MEGF11: variants seen among roughly 807,000 people sequenced by gnomAD.
The protein encoded by MEGF11 is multiple EGF like domains 11.
MEGF11 carries 126 observed loss-of-function variants against 146.6 expected under a neutral mutation model. The observed-to-expected ratio is 0.86, with a 90% CI of 0.74 to 1.00. The LOEUF (loss-of-function observed/expected upper bound fraction) is 1.00. MEGF11 is among the 50% of genes least tolerant of loss of function. The pLI, the probability that MEGF11 is intolerant of heterozygous loss-of-function variation, is 0.00. For missense variants in MEGF11, 1,509 were observed against 1,521.2 expected (o/e 0.99, Z 0.13); for synonymous variants, 532 against 583.4 (o/e 0.91, Z 1.27).
intron 1 of MEGF11, among the ~76,000 whole-genome samples, chr15:66,235,886 A>G (rs143202478): frequency 6.6e-6 from 1 of 152,298 alleles, no homozygotes; most frequent in Non-Finnish European, 1.5e-5. Flanking sequence ...GTGACAACAA[A>G]TCTTTAACCC....
chr15:66,232,444 T>C (rs908026154), intron 1 of MEGF11, among the ~76,000 whole-genome samples: 1 of 152,190 alleles, frequency 6.6e-6, no homozygotes, highest in African/African-American at 2.4e-5. Flanking sequence ...CGGGGAGCTC[T>C]GGACAGCCTT....
At chr15:65,960,838 A>AT (rs1157310507) in intron 9 of MEGF11, among the ~76,000 whole-genome samples, 13 of 152,166 alleles carry the variant, frequency 8.5e-5, no homozygotes, top group Non-Finnish European at 1.0e-4. Context: ...TACTCTTTGC[A>AT]TTTCCTGCTT....
chr15:65,959,733 G>C (rs556312296), intron 9 of MEGF11, among the ~76,000 whole-genome samples: 37 of 152,216 alleles, frequency 2.4e-4, no homozygotes, highest in Middle Eastern at 3.4e-3. Flanking sequence ...ATGTGACTAG[G>C]CTATTGAGGC....
intron 5 of MEGF11, among the ~76,000 whole-genome samples, chr15:65,992,287 G>A (rs756653358): frequency 4.6e-5 from 7 of 152,118 alleles, no homozygotes; most frequent in South Asian, 2.1e-4. Context: ...TATCAGAGCC[G>A]GGCATCTCTC....
At chr15:66,188,190 C>G (rs1185561370) in intron 1 of MEGF11, among the ~76,000 whole-genome samples, 3 of 152,106 alleles carry the variant, frequency 2.0e-5, no homozygotes, top group African/African-American at 7.2e-5. Flanking sequence ...TCAAATGTCT[C>G]CTGGGGGACA....
intron 5 of MEGF11, among the ~76,000 whole-genome samples, chr15:66,035,012 C>G (rs1418472002): frequency 1.3e-5 from 2 of 152,174 alleles, no homozygotes; most frequent in African/African-American, 4.8e-5. Context: ...GTGTCACGCT[C>G]TCGTACTTCC....
intron 5 of MEGF11, among the ~76,000 whole-genome samples, chr15:65,998,994 G>A (rs1023831626): frequency 2.6e-5 from 4 of 152,030 alleles, no homozygotes; most frequent in East Asian, 1.9e-4. Flanking sequence ...TCTGTCTAGC[G>A]GGGCCCAGCC....
intron 25 of MEGF11, 189 bp from the exon 26 acceptor site, chr15:65,898,283 A>C: frequency 1.0e-6 from 1 of 985,422 alleles, no homozygotes; most frequent in Non-Finnish European, 1.2e-6. Flanking sequence ...GTCAACATCC[A>C]AGCCTCTCAT....
rs142788709 is a variant in MEGF11 at position 66,169,535 on chromosome 15, C to T, written c.-8-41124G>A. Reference sequence around the variant, plus strand: ...ATTCCCAATTAACCTGCGGTGAACCCGCATACTTGCTGGCTTGCCCATAAT... The same window carrying T: ...ATTCCCAATTAACCTGCGGTGAACCTGCATACTTGCTGGCTTGCCCATAAT... On this transcript the variant is annotated intron_variant, in intron 1 of 25. Transcript: ENST00000395614. Among the ~76,000 whole-genome samples, 219 of 152,382 alleles carry T rather than the reference C, an allele frequency of 1.4e-3. 1 individual carries two copies. The highest frequency in any genetic ancestry group is 2.1e-3 in the South Asian group (10 of 4,828).
intron 4 of MEGF11, among the ~76,000 whole-genome samples, chr15:66,104,288 C>A (rs776480453): frequency 5.9e-5 from 9 of 152,194 alleles, no homozygotes; most frequent in Non-Finnish European, 1.3e-4. Context: ...CCCACCCCAG[C>A]CAAGCAGTTA....
chr15:66,206,892 G>C (rs1329623896), intron 1 of MEGF11, among the ~76,000 whole-genome samples: 1 of 152,076 alleles, frequency 6.6e-6, no homozygotes, highest in Non-Finnish European at 1.5e-5. Flanking sequence ...AACAGAGAGA[G>C]ACTTAAAAAT....
chr15:65,935,789 C>G (rs572450205), intron 10 of MEGF11, among the ~76,000 whole-genome samples: 4 of 152,296 alleles, frequency 2.6e-5, no homozygotes, highest in African/African-American at 9.6e-5. Flanking sequence ...CAATGCATAC[C>G]AGGTTCTAAC....
At chr15:66,019,073 C>T (rs943737981) in intron 5 of MEGF11, among the ~76,000 whole-genome samples, 1 of 152,192 alleles carries the variant, frequency 6.6e-6, no homozygotes, top group Non-Finnish European at 1.5e-5. Flanking sequence ...TGTCTCCACA[C>T]GTCAGGCTTG....
In MEGF11 at chr15:65,930,818, A is replaced by G. The variant is rs757416402; in HGVS notation, c.1408+5T>C. 4.4e-6 allele frequency: 7 copies of G among 1,604,310 alleles called. No homozygotes were observed. Among genetic ancestry groups the G allele is most frequent in the Admixed American group, 3.4e-5 (2 of 59,040 alleles). On this transcript the variant is annotated splice_donor_5th_base_variant and intron_variant, in intron 11 of 25. Transcript: ENST00000395614. ...GGGATGGGCTTGGGAGAGAGGGCAC[A>G]TTACCTTCCTTGCAGGTACAGGAGC...
In MEGF11 at chr15:65,907,435, C is replaced by T. The variant is rs377080147; in HGVS notation, c.2999-1294G>A. ...TCAACCTCCTGAGTAGCTGGGACTA[C>T]AGGCATGCACCACCACTCCCAGCTA... On this transcript the variant is annotated intron_variant, in intron 23 of 25. Transcript: ENST00000395614. 9.9e-5 allele frequency among the ~76,000 whole-genome samples: 15 copies of T among 152,254 alleles called. No homozygotes were observed. In the East Asian group the frequency reaches 2.5e-3, roughly 25 times the overall value.
intron 5 of MEGF11, among the ~76,000 whole-genome samples, chr15:66,013,502 C>A (rs1256973043): frequency 6.6e-6 from 1 of 152,184 alleles, no homozygotes; most frequent in Non-Finnish European, 1.5e-5. Context: ...TGCTGGGCAC[C>A]TGACATGCAC....
chr15:66,190,730 C>A (rs563972573), intron 1 of MEGF11, among the ~76,000 whole-genome samples: 2 of 152,222 alleles, frequency 1.3e-5, no homozygotes, highest in East Asian at 1.9e-4. Flanking sequence ...CTCCATTCAC[C>A]CCCCACAGCA....
chr15:66,002,826 T>C (rs2082404876), intron 5 of MEGF11, among the ~76,000 whole-genome samples: 2 of 152,126 alleles, frequency 1.3e-5, no homozygotes, highest in Non-Finnish European at 2.9e-5. Context: ...TATAAAGTAT[T>C]AGAACTGCAG....
At chr15:65,905,921 C>T (rs1477845187) in intron 24 of MEGF11, 164 bp downstream of exon 24, 1 of 499,116 alleles carries the variant, frequency 2.0e-6, no homozygotes, top group Non-Finnish European at 3.6e-6. Flanking sequence ...GATTGCTCCT[C>T]CTGGGCACAG....
Sources: gnomAD v4.1 joint callset for allele counts (sites outside exome capture counted in the v4.1 genomes callset) on GRCh38, gnomAD v4.1.1 for gene constraint, MANE v1.5 for transcripts, NCBI Gene and HGNC (gene_info 2026-07-23, HGNC 2026-07-21) for gene names.